Variants in ACBD6 observed in about 807,000 individuals in gnomAD.
ACBD6 encodes acyl-CoA binding domain containing 6, also known as acyl-CoA-binding domain-containing protein 6.
ACBD6 carries 28 observed loss-of-function variants against 37.2 expected under a neutral mutation model. The ratio of observed to expected loss-of-function variants is 0.75; its 90% CI spans 0.56 to 1.03. ACBD6 has a LOEUF of 1.03. Ranked by LOEUF, ACBD6 falls within the 50% of genes least tolerant of loss-of-function variation. The probability of loss-of-function intolerance (pLI) is 0.00; values close to 1 mark genes in which losing one functional copy is unlikely to be tolerated. For missense variants in ACBD6, 340 were observed against 337.4 expected, an observed-to-expected ratio of 1.01 and a Z score of -0.06; for synonymous variants, 113 against 126.8, an observed-to-expected ratio of 0.89 and a Z score of 0.73.
At chr1:180,347,832 G>T (rs1652247021) in intron 6 of ACBD6, among the ~76,000 whole-genome samples, 1 of 152,082 alleles carries the variant, frequency 6.6e-6, no homozygotes, top group Non-Finnish European at 1.5e-5. Flanking sequence ...TTAGCCGGGC[G>T]TGGTGGCGGG....
intron 6 of ACBD6, among the ~76,000 whole-genome samples, chr1:180,373,274 T>C: frequency 6.6e-6 from 1 of 152,222 alleles, no homozygotes; most frequent in East Asian, 1.9e-4. Flanking sequence ...AACATGTTCT[T>C]TGAATACAAA....
intron 6 of ACBD6, among the ~76,000 whole-genome samples, chr1:180,384,134 TA>T (rs199936146): frequency 0.22 from 30,579 of 140,946 alleles, 3,140 homozygotes; most frequent in African/African-American, 0.27. Context: ...AAGCAGAGAT[TA>T]AAAAAAAAAA....
At chr1:180,298,587 A>C (rs1650008082) in intron 7 of ACBD6, among the ~76,000 whole-genome samples, 1 of 152,224 alleles carries the variant, frequency 6.6e-6, no homozygotes, top group South Asian at 2.1e-4. Context: ...TTTAAGTTCC[A>C]CATCTAGGGA....
intron 9 of ACBD6, chr1:180,275,449 T>G (rs1648967728): frequency 1.3e-5 from 2 of 152,228 alleles, no homozygotes; most frequent in African/African-American, 4.8e-5. Flanking sequence ...AATCAATCAG[T>G]GAACATTTGT....
At chr1:180,402,500 T>C (rs1647413507) in intron 5 of ACBD6, among the ~76,000 whole-genome samples, 1 of 152,072 alleles carries the variant, frequency 6.6e-6, no homozygotes, top group Admixed American at 6.6e-5. Context: ...TGTCAGGAAA[T>C]TGAGAAAGAT....
chr1:180,367,183 T>C (rs1419744452), intron 6 of ACBD6, among the ~76,000 whole-genome samples: 2 of 152,228 alleles, frequency 1.3e-5, no homozygotes, highest in Non-Finnish European at 2.9e-5. Flanking sequence ...TCCTTTGCAT[T>C]GGCATTTGTC....
chr1:180,306,777 A>G (rs1477118677), intron 7 of ACBD6, among the ~76,000 whole-genome samples: 1 of 152,172 alleles, frequency 6.6e-6, no homozygotes, highest in Admixed American at 6.5e-5. Flanking sequence ...ATATCTTCAA[A>G]TATTAATTTT....
chr1:180,501,551 C>T (rs1651973949), intron 1 of ACBD6, among the ~76,000 whole-genome samples: 1 of 152,192 alleles, frequency 6.6e-6, no homozygotes, highest in Non-Finnish European at 1.5e-5. Flanking sequence ...CTCCCGACCT[C>T]AGGTGATCCT....
intron 3 of ACBD6, among the ~76,000 whole-genome samples, chr1:180,487,585 T>C (rs982906184): frequency 6.6e-6 from 1 of 152,180 alleles, no homozygotes; most frequent in Non-Finnish European, 1.5e-5. Flanking sequence ...ATTATTTTAC[T>C]TAATAATGGC....
rs541331902 is a variant in ACBD6 at position 180,318,174 on chromosome 1, C to CG, written c.664-3453_664-3452insC. Among the ~76,000 whole-genome samples, 132 of 96,136 alleles carry CG rather than the reference C, an allele frequency of 1.4e-3. 2 individuals carry two copies. Among genetic ancestry groups the CG allele is most frequent in the African/African-American group, 3.2e-3 (53 of 16,530 alleles). The allele number at this position is 96,136 out of a possible 152,430, so 63.1% of individuals were successfully genotyped here. On this transcript the variant is annotated intron_variant, in intron 6 of 7. Transcript: ENST00000367595. ...AAGATTCCATCTCCGCCCCCCCCCC[C>CG]CAAAAAAAAAAGAAAGAAAGAAAAA...
At chr1:180,472,099 T>A (rs772207051) in intron 3 of ACBD6, among the ~76,000 whole-genome samples, 2 of 152,250 alleles carry the variant, frequency 1.3e-5, no homozygotes, top group African/African-American at 2.4e-5. Flanking sequence ...CATAGGTACG[T>A]ATAGGGCAAG....
At chr1:180,415,327 G>A (rs1315053904) in intron 4 of ACBD6, among the ~76,000 whole-genome samples, 1 of 151,552 alleles carries the variant, frequency 6.6e-6, no homozygotes, top group African/African-American at 2.4e-5. Context: ...AACCCAGGAG[G>A]CAGAGGTTGC....
At chr1:180,473,474 C>A (rs1196701412) in intron 3 of ACBD6, among the ~76,000 whole-genome samples, 2 of 150,076 alleles carry the variant, frequency 1.3e-5, no homozygotes, top group East Asian at 1.9e-4. Flanking sequence ...AACTTTTACA[C>A]GAGTCAAATT....
At chr1:180,491,715 T>C (rs772679742) in intron 3 of ACBD6, among the ~76,000 whole-genome samples, 1 of 152,234 alleles carries the variant, frequency 6.6e-6, no homozygotes, top group South Asian at 2.1e-4. Flanking sequence ...CCAATTCTTA[T>C]GTAATTCAAA....
chr1:180,348,123 G>A (rs1375719822), intron 6 of ACBD6, among the ~76,000 whole-genome samples: 1 of 151,994 alleles, frequency 6.6e-6, no homozygotes, highest in African/African-American at 2.4e-5. Flanking sequence ...AGTATTTGTT[G>A]AATGAATAAA....
At chr1:180,387,922 T>A (rs758807896) in intron 6 of ACBD6, among the ~76,000 whole-genome samples, 10 of 152,016 alleles carry the variant, frequency 6.6e-5, no homozygotes, top group Non-Finnish European at 1.3e-4. Context: ...ACACCTGTAA[T>A]CCCACCACTT....
intron 7 of ACBD6, among the ~76,000 whole-genome samples, chr1:180,305,138 T>C (rs1241529731): frequency 6.6e-6 from 1 of 152,104 alleles, no homozygotes; most frequent in Admixed American, 6.6e-5. Context: ...CCTAAAACCA[T>C]AAAAACCCTA....
At chr1:180,307,680 T>A (rs1650434076) in intron 7 of ACBD6, among the ~76,000 whole-genome samples, 1 of 152,076 alleles carries the variant, frequency 6.6e-6, no homozygotes, top group African/African-American at 2.4e-5. Flanking sequence ...TTAGGCTGGG[T>A]ACAGTGGCTC....
At chr1:180,281,220 T>C (rs1026738726) in intron 9 of ACBD6, 25 of 152,194 alleles carry the variant, frequency 1.6e-4, no homozygotes, top group African/African-American at 5.8e-4. Context: ...TCTGATTTTC[T>C]TTCTGACAGT....
Sources: gnomAD v4.1 joint callset for allele counts (sites outside exome capture counted in the v4.1 genomes callset) on GRCh38, gnomAD v4.1.1 for gene constraint, MANE v1.5 for transcripts, NCBI Gene and HGNC (gene_info 2026-07-23, HGNC 2026-07-21) for gene names.